The following LAMC1 variants were observed in gnomAD, a reference collection of about 807,000 sequenced individuals.
The protein encoded by LAMC1 is laminin subunit gamma 1.
LAMC1 carries 38 observed loss-of-function variants against 173.6 expected under a neutral mutation model. The ratio of observed to expected loss-of-function variants is 0.22; its 90% CI spans 0.17 to 0.29. The LOEUF (loss-of-function observed/expected upper bound fraction) is 0.29. LAMC1 is among the 10% of genes least tolerant of loss of function. The probability of loss-of-function intolerance (pLI) is 1.00; values close to 1 mark genes in which losing one functional copy is unlikely to be tolerated. For missense variants in LAMC1, 1,824 were observed against 2,051.8 expected (o/e 0.89, Z 2.14); for synonymous variants, 746 against 749.1 (o/e 1.00, Z 0.07).
At chr1:183,126,825 G>A (rs1656633181) in intron 16 of LAMC1, among the ~76,000 whole-genome samples, 1 of 152,238 alleles carries the variant, frequency 6.6e-6, no homozygotes, top group Non-Finnish European at 1.5e-5. Flanking sequence ...AGAGAACACA[G>A]TGAATAAACA....
chr1:183,108,217 T>A lies in LAMC1; in HGVS notation c.724-59T>A, dbSNP rs1656043203. On this transcript the variant is annotated intron_variant, in intron 2 of 27. Transcript: ENST00000258341. ...AGTGATTTAGAACATTTTGTCACATTTATATCATTTTCAGTCCCTCCACTT... is the reference window on the plus strand; with the variant it reads ...AGTGATTTAGAACATTTTGTCACATATATATCATTTTCAGTCCCTCCACTT... 4 of 1,528,634 alleles carry A rather than the reference T, an allele frequency of 2.6e-6. No homozygotes were observed. The South Asian group carries it at 3.4e-5, about 13-fold the overall frequency. The allele number at this position is 1,528,634 out of a possible 1,614,324, so 94.7% of individuals were successfully genotyped here. A position where few individuals can be genotyped will look rare whatever the true frequency, so the allele number is the denominator to read the frequency against.
In LAMC1 at chr1:183,114,604, C is replaced by T. The variant is rs377463630; in HGVS notation, c.1095C>T (p.Gly365=). Residue 365 remains glycine, a synonymous_variant, in exon 5 of 28, where the codon GGC becomes GGT. Coordinates refer to ENST00000258341, the MANE Select transcript of LAMC1 (RefSeq NM_002293.4). The part of the protein sequence containing the change: ...PELYRSTGHG[G]HCTNCQDNTD... ...TCTATCGTTCCACTGGCCATGGGGG[C>T]CACTGTACCAACTGCCAGGATAACA... 1.5e-5 allele frequency: 24 copies of T among 1,614,066 alleles called. No individual in the cohort carries two copies. Among genetic ancestry groups the T allele is most frequent in the Non-Finnish European group, 2.0e-5 (24 of 1,180,042 alleles).
At chr1:183,131,684 G>T (rs1384316750) in intron 20 of LAMC1, among the ~76,000 whole-genome samples, 1 of 152,040 alleles carries the variant, frequency 6.6e-6, no homozygotes, top group Non-Finnish European at 1.5e-5. Context: ...TAAGACTGTA[G>T]TAACTGAATG....
rs372866937 is a variant in LAMC1 at position 183,102,868 on chromosome 1, C to T, written c.419-460C>T. 1.4e-4 allele frequency among the ~76,000 whole-genome samples: 22 copies of T among 152,202 alleles called. No individual in the cohort carries two copies. The South Asian group carries it at 2.5e-3, about 17-fold the overall frequency. On this transcript the variant is annotated intron_variant, in intron 1 of 27. Transcript: ENST00000258341. The stretch of plus-strand genomic sequence containing the variant: ...AATAGAGCTGATGATATTCTTTCTG[C>T]GTCAAGAGTAACGTTACAGTTAATA...
At chr1:183,140,373 C>T (rs1365812073) in intron 26 of LAMC1, 31 bp from the exon 27 acceptor site, 3 of 1,369,106 alleles carry the variant, frequency 2.2e-6, no homozygotes, top group African/African-American at 2.9e-5. Context: ...AACATACAGT[C>T]AAGACTCTTT....
intron 1 of LAMC1, among the ~76,000 whole-genome samples, chr1:183,052,420 G>C (rs1654454636): frequency 6.6e-6 from 1 of 151,810 alleles, no homozygotes. Context: ...TGCAACCTCT[G>C]CCTCCTGGGT....
At chr1:183,087,324 C>T (rs772056551) in intron 1 of LAMC1, among the ~76,000 whole-genome samples, 5 of 152,176 alleles carry the variant, frequency 3.3e-5, no homozygotes, top group Non-Finnish European at 5.9e-5. Context: ...ACAGTTCTCT[C>T]CCTATAAAAG....
chr1:183,125,980 A>T (rs1014528221), intron 15 of LAMC1, 140 bp from the exon 16 acceptor site: 1 of 816,092 alleles, frequency 1.2e-6, no homozygotes, highest in Non-Finnish European at 1.9e-6. Flanking sequence ...AATAACCCTT[A>T]ACATTCCATC....
At chr1:183,103,200 T>G in intron 1 of LAMC1, 128 bp from the exon 2 acceptor site, 1 of 870,808 alleles carries the variant, frequency 1.1e-6, no homozygotes, top group South Asian at 1.9e-5. Context: ...TAGAATAGCC[T>G]GTCTTCTTGG....
At chr1:183,095,899 G>T (rs1655680223) in intron 1 of LAMC1, among the ~76,000 whole-genome samples, 1 of 152,140 alleles carries the variant, frequency 6.6e-6, no homozygotes, top group Non-Finnish European at 1.5e-5. Flanking sequence ...GAAATTGTTT[G>T]TACCCTCTAA....
intron 1 of LAMC1, among the ~76,000 whole-genome samples, chr1:183,069,183 G>A (rs1338423743): frequency 6.6e-6 from 1 of 151,984 alleles, no homozygotes; most frequent in East Asian, 1.9e-4. Flanking sequence ...CAGGACTCTG[G>A]GTCCATTTAT....
intron 24 of LAMC1, among the ~76,000 whole-genome samples, chr1:183,136,097 G>A (rs1656931430): frequency 6.6e-6 from 1 of 152,136 alleles, no homozygotes; most frequent in Admixed American, 6.5e-5. Flanking sequence ...ATAAATTGCA[G>A]CTTTTAATAA....
At chr1:183,071,736 A>G (rs1280884305) in intron 1 of LAMC1, among the ~76,000 whole-genome samples, 1 of 152,200 alleles carries the variant, frequency 6.6e-6, no homozygotes, top group Admixed American at 6.5e-5. Flanking sequence ...TGGTGATTTC[A>G]CTGCCTAACA....
Position 183,070,783 on chromosome 1 carries a change from A to G in LAMC1, c.419-32545A>G, listed in dbSNP as rs12565433. The stretch of plus-strand genomic sequence containing the variant: ...TCCCCTTGTAATGTCAACCTCGGCA[A>G]ATTTCTTCTGTTGATATGGAAAGAA... On this transcript the variant is annotated intron_variant, in intron 1 of 27. Coordinates refer to ENST00000258341, the MANE Select transcript of LAMC1 (RefSeq NM_002293.4). Among the ~76,000 whole-genome samples the G allele has an allele frequency of 1.6e-4, 25 of 152,240 alleles. No homozygotes were observed. The East Asian group carries it at 4.6e-3, about 28-fold the overall frequency.
chr1:183,063,393 A>G (rs1253990483), intron 1 of LAMC1, among the ~76,000 whole-genome samples: 1 of 152,234 alleles, frequency 6.6e-6, no homozygotes, highest in Admixed American at 6.5e-5. Flanking sequence ...CATTGCCACA[A>G]AGCAAATGAA....
intron 4 of LAMC1, among the ~76,000 whole-genome samples, chr1:183,112,113 T>G (rs536094094): frequency 8.5e-5 from 13 of 152,290 alleles, no homozygotes; most frequent in Non-Finnish European, 1.8e-4. Flanking sequence ...CACTACTGTT[T>G]CCACTGAACT....
intron 1 of LAMC1, among the ~76,000 whole-genome samples, chr1:183,081,509 C>T (rs1028470244): frequency 1.3e-5 from 2 of 151,414 alleles, no homozygotes; most frequent in African/African-American, 2.4e-5. Flanking sequence ...GATTGTGCCA[C>T]TACACTCCAG....
At chr1:183,031,024 C>T (rs1236903655) in intron 1 of LAMC1, among the ~76,000 whole-genome samples, 2 of 152,134 alleles carry the variant, frequency 1.3e-5, no homozygotes, top group African/African-American at 4.8e-5. Flanking sequence ...TATATATTCA[C>T]ATGTACATTG....
intron 1 of LAMC1, among the ~76,000 whole-genome samples, chr1:183,027,257 G>A (rs1653713846): frequency 6.7e-6 from 1 of 148,196 alleles, no homozygotes; most frequent in African/African-American, 2.5e-5. Flanking sequence ...TGCACTTTCT[G>A]CTTGTTGTGG....
Sources: allele counts gnomAD v4.1 joint callset (sites outside exome capture counted in the v4.1 genomes callset), GRCh38; gene constraint gnomAD v4.1.1; transcripts MANE v1.5; gene names NCBI Gene and HGNC (gene_info 2026-07-23, HGNC 2026-07-21).